The following PCDHA6 variants were observed in gnomAD, a reference collection of about 807,000 sequenced individuals.
The protein encoded by PCDHA6 is protocadherin alpha 6.
Under a neutral mutation model 60.3 loss-of-function variants are expected in PCDHA6, and 55 were observed. That is an observed-to-expected ratio of 0.91 (90% CI 0.73 to 1.14). PCDHA6 has a LOEUF of 1.14. Ranked by LOEUF, PCDHA6 falls within the 50% of genes most tolerant of loss-of-function variation. The probability of loss-of-function intolerance (pLI) is 0.00; values close to 1 mark genes in which losing one functional copy is unlikely to be tolerated. For synonymous variants in PCDHA6, 652 were observed against 557.9 expected, an observed-to-expected ratio of 1.17 and a Z score of -2.38; for missense variants, 1,327 against 1,256.5, an observed-to-expected ratio of 1.06 and a Z score of -0.85.
intron 1 of PCDHA6, chr5:140,830,956 A>G (rs1012180465): frequency 6.6e-6 from 1 of 152,094 alleles, no homozygotes; most frequent in Non-Finnish European, 1.5e-5. Flanking sequence ...TAACGCTTTG[A>G]TTTTATCCAT....
At chr5:140,998,112 T>A (rs1554256165) in intron 3 of PCDHA6, among the ~76,000 whole-genome samples, 2 of 152,152 alleles carry the variant, frequency 1.3e-5, no homozygotes, top group Non-Finnish European at 2.9e-5. Context: ...AGGAGAAAAT[T>A]TACTTGTGAA....
chr5:140,852,575 CTTTT>C, intron 1 of PCDHA6: 1 of 799,032 alleles, frequency 1.3e-6, no homozygotes, highest in Non-Finnish European at 1.5e-6. Context: ...TGTGCCAAGG[CTTTT>C]TTATTTTTTT....
intron 1 of PCDHA6, among the ~76,000 whole-genome samples, chr5:140,941,214 C>CCTTTCTTTCTTCCTTTCTTTCTTTCTTT (rs2092876516): frequency 4.1e-5 from 5 of 122,412 alleles, no homozygotes; most frequent in Non-Finnish European, 8.5e-5. Flanking sequence ...TTTCTTTCTT[C>CCTTTCTTTCTTCCTTTCTTTCTTTCTTT]CTTTCTTTCT....
intron 1 of PCDHA6, chr5:140,835,619 T>C: frequency 1.2e-6 from 2 of 1,613,890 alleles, no homozygotes; most frequent in African/African-American, 1.3e-5. Flanking sequence ...TGGACAGCGC[T>C]CTGGACCGCG....
intron 1 of PCDHA6, among the ~76,000 whole-genome samples, chr5:140,962,617 G>A (rs189225320): frequency 3.8e-4 from 58 of 152,276 alleles, no homozygotes; most frequent in Non-Finnish European, 1.9e-4. Context: ...GAGGAAGGGA[G>A]ATGTGAAAAA....
chr5:140,904,555 C>CT (rs569725486), intron 1 of PCDHA6, among the ~76,000 whole-genome samples: 13 of 151,744 alleles, frequency 8.6e-5, no homozygotes, highest in Middle Eastern at 3.4e-3. Flanking sequence ...CATATAATGA[C>CT]TTTTTTTTCC....
chr5:140,926,972 C>T (rs782504064), intron 1 of PCDHA6: 1 of 1,609,464 alleles, frequency 6.2e-7, no homozygotes. Context: ...TACTCAGTGC[C>T]GGAGGAGACG....
chr5:140,853,242 A>T, intron 1 of PCDHA6: 1 of 978,496 alleles, frequency 1.0e-6, no homozygotes, highest in Non-Finnish European at 1.2e-6. Context: ...CCTTCATATT[A>T]ATCTCTATTC....
chr5:140,848,973 G>A, intron 1 of PCDHA6: 1 of 1,600,934 alleles, frequency 6.2e-7, no homozygotes, highest in South Asian at 1.1e-5. Context: ...CGCGTCCGAT[G>A]CAGATATCGG....
chr5:140,882,119 T>C, intron 1 of PCDHA6: 1 of 1,438,056 alleles, frequency 7.0e-7, no homozygotes, highest in South Asian at 1.4e-5. Context: ...AGCCGCCGTT[T>C]CTTTCTTCCT....
Position 140,876,936 on chromosome 5 carries a change from G to C in PCDHA6, c.2394+46451G>C, listed in dbSNP as rs567563243. On this transcript the variant is annotated intron_variant, in intron 1 of 3. Transcript: ENST00000529310. ...GGGACGCGGACGCGCAGAAGAACGCGCTGGTGTCCTACTCGCTGGTGGAGC... is the reference window on the plus strand; with the variant it reads ...GGGACGCGGACGCGCAGAAGAACGCCCTGGTGTCCTACTCGCTGGTGGAGC... 190 of 1,613,730 alleles carry C rather than the reference G, an allele frequency of 1.2e-4. 1 individual carries two copies. The highest frequency in any genetic ancestry group is 1.5e-4 in the South Asian group (14 of 91,062).
chr5:140,981,755 A>G (rs868964961), intron 2 of PCDHA6, among the ~76,000 whole-genome samples: 12 of 152,222 alleles, frequency 7.9e-5, no homozygotes, highest in Admixed American at 3.3e-4. Context: ...TTAGTATTAG[A>G]CATACATAAA....
At chr5:140,925,146 A>G (rs1467973124) in intron 1 of PCDHA6, among the ~76,000 whole-genome samples, 5 of 151,742 alleles carry the variant, frequency 3.3e-5, no homozygotes, top group Admixed American at 3.3e-4. Flanking sequence ...AACATACACA[A>G]AAGTTGAGAG....
At chr5:140,927,105 C>T in intron 1 of PCDHA6, 1 of 1,613,778 alleles carries the variant, frequency 6.2e-7, no homozygotes, top group Non-Finnish European at 8.5e-7. Flanking sequence ...TGGATCTACC[C>T]AGCGGCAATT....
chr5:140,843,468 T>C, intron 1 of PCDHA6: 2 of 1,595,998 alleles, frequency 1.3e-6, no homozygotes, highest in Non-Finnish European at 1.7e-6. Flanking sequence ...CTCACGCTGC[T>C]GCTGTACACT....
Position 140,938,847 on chromosome 5 carries a change from T to C in PCDHA6, c.2395-40102T>C, listed in dbSNP as rs371783438. 4.6e-5 allele frequency among the ~76,000 whole-genome samples: 7 copies of C among 152,194 alleles called. No individual in the cohort carries two copies. The South Asian group carries it at 6.2e-4, about 14-fold the overall frequency. ...GTTTGCGTTATAACAAACCTGCCCA[T>C]GTACCCCTGAACTTAAAAGTTAAGA... On this transcript the variant is annotated intron_variant, in intron 1 of 3. Transcript: ENST00000529310.
chr5:140,915,864 T>A (rs1170888594), intron 1 of PCDHA6, among the ~76,000 whole-genome samples: 1 of 152,166 alleles, frequency 6.6e-6, no homozygotes. Flanking sequence ...CAAGTTTGCA[T>A]CCTTCCCTTT....
At chr5:140,969,374 G>A (rs1554231740) in intron 1 of PCDHA6, 1 of 1,606,076 alleles carries the variant, frequency 6.2e-7, no homozygotes, top group South Asian at 1.1e-5. Flanking sequence ...TCATGCATTT[G>A]TTACACATCC....
chr5:140,927,357 C>A, intron 1 of PCDHA6: 1 of 1,614,052 alleles, frequency 6.2e-7, no homozygotes, highest in South Asian at 1.1e-5. Context: ...ACGAGGGAAG[C>A]AATGGGATAC....
Sources: gnomAD v4.1 joint callset for allele counts (sites outside exome capture counted in the v4.1 genomes callset) on GRCh38, gnomAD v4.1.1 for gene constraint, MANE v1.5 for transcripts, NCBI Gene and HGNC (gene_info 2026-07-23, HGNC 2026-07-21) for gene names.